The following DPP10 variants were observed in gnomAD, a reference collection of about 807,000 sequenced individuals.
DPP10 encodes dipeptidyl peptidase like 10.
In DPP10, 33 loss-of-function variants were observed where a neutral mutation model predicts 120.9. The observed-to-expected ratio is 0.27, with a 90% CI of 0.21 to 0.37. The LOEUF is 0.37. Among genes scored for constraint, DPP10 ranks in the 10% least tolerant of loss-of-function variants. The pLI, the probability that DPP10 is intolerant of heterozygous loss-of-function variation, is 1.00. For missense variants in DPP10, 816 were observed against 942.8 expected (o/e 0.87, Z 1.76); for synonymous variants, 337 against 326.1 (o/e 1.03, Z -0.36).
intron 1 of DPP10, among the ~76,000 whole-genome samples, chr2:114,929,633 CT>C (rs1266874147): frequency 6.6e-6 from 1 of 152,220 alleles, no homozygotes; most frequent in Non-Finnish European, 1.5e-5. Flanking sequence ...CTGAAAATCG[CT>C]GTTATCCTGT....
intron 3 of DPP10, among the ~76,000 whole-genome samples, chr2:115,494,526 G>A (rs904516865): frequency 1.3e-5 from 2 of 152,052 alleles, no homozygotes; most frequent in Admixed American, 6.6e-5. Context: ...AGTGTTTTAG[G>A]GAGTTGAATT....
At chr2:114,491,136 G>A (rs1681962098) in intron 1 of DPP10, among the ~76,000 whole-genome samples, 1 of 152,078 alleles carries the variant, frequency 6.6e-6, no homozygotes, top group South Asian at 2.1e-4. Flanking sequence ...ATACCTGATG[G>A]ACTCCTGCAT....
chr2:115,253,446 T>G (rs767637355), intron 1 of DPP10, among the ~76,000 whole-genome samples: 1 of 152,124 alleles, frequency 6.6e-6, no homozygotes, highest in Non-Finnish European at 1.5e-5. Context: ...AACTCAAAAG[T>G]CCTAAGTCCA....
intron 16 of DPP10, among the ~76,000 whole-genome samples, 170 bp from the exon 17 acceptor site, chr2:115,782,182 G>T (rs577816473): frequency 1.3e-5 from 2 of 152,002 alleles, no homozygotes; most frequent in East Asian, 3.9e-4. Flanking sequence ...TTACCCTTCT[G>T]AATAAAACGC....
intron 1 of DPP10, among the ~76,000 whole-genome samples, chr2:115,043,477 T>C (rs1322815925): frequency 1.3e-5 from 2 of 152,220 alleles, no homozygotes; most frequent in Non-Finnish European, 2.9e-5. Context: ...ATTTAAAAAG[T>C]CTTCTTCAAT....
At position 115,074,668 on chromosome 2, in the gene DPP10, C is replaced by T. The variant is rs545742720; in HGVS notation, c.61-234571C>T. The stretch of plus-strand genomic sequence containing the variant: ...AAATGTAGAAAATGGTAAACCATTT[C>T]GAAGGTAATGAGGGTTGTCCGGGGA... On this transcript the variant is annotated intron_variant, in intron 1 of 25. Coordinates refer to ENST00000410059, the MANE Select transcript of DPP10 (RefSeq NM_020868.6). 5.9e-5 allele frequency among the ~76,000 whole-genome samples: 9 copies of T among 152,172 alleles called. No homozygotes were observed. In the East Asian group the frequency reaches 1.2e-3, roughly 20 times the overall value.
At chr2:114,543,263 T>C (rs1687093306) in intron 1 of DPP10, among the ~76,000 whole-genome samples, 1 of 152,232 alleles carries the variant, frequency 6.6e-6, no homozygotes, top group East Asian at 1.9e-4. Context: ...TGCTAAGCAC[T>C]GGCGACGTCT....
chr2:115,589,346 G>A (rs1160549991), intron 5 of DPP10, among the ~76,000 whole-genome samples: 1 of 152,138 alleles, frequency 6.6e-6, no homozygotes, highest in Non-Finnish European at 1.5e-5. Context: ...GAATAAAGAA[G>A]AGAAGTAATG....
intron 1 of DPP10, among the ~76,000 whole-genome samples, chr2:115,046,718 C>T (rs560491219): frequency 7.9e-5 from 12 of 152,174 alleles, no homozygotes; most frequent in Middle Eastern, 3.4e-3. Flanking sequence ...GAGTGAAGAA[C>T]ACAACCACAT....
At chr2:115,842,111 T>C in intron 25 of DPP10, 100 bp from the exon 26 acceptor site, 1 of 1,260,694 alleles carries the variant, frequency 7.9e-7, no homozygotes, top group African/African-American at 1.5e-5. Context: ...GGTCAGATAT[T>C]ATTACTCAAA....
At chr2:114,960,992 G>A (rs1302872110) in intron 1 of DPP10, among the ~76,000 whole-genome samples, 1 of 131,776 alleles carries the variant, frequency 7.6e-6, no homozygotes, top group Non-Finnish European at 1.6e-5. Flanking sequence ...CAGAAAATAT[G>A]TGACATCTGC....
intron 7 of DPP10, among the ~76,000 whole-genome samples, chr2:115,723,618 T>TTCTG (rs1178555579): frequency 1.9e-4 from 7 of 36,982 alleles, no homozygotes; most frequent in South Asian, 1.1e-3. Context: ...TGTTGTTGTT[T>TTCTG]TTTGTTTTTT....
chr2:115,766,067 G>C (rs1455025233), intron 12 of DPP10, among the ~76,000 whole-genome samples: 1 of 151,798 alleles, frequency 6.6e-6, no homozygotes, highest in East Asian at 1.9e-4. Flanking sequence ...GATAGTCACT[G>C]TTTCAGGTGC....
intron 4 of DPP10, among the ~76,000 whole-genome samples, chr2:115,515,279 T>A (rs1247416182): frequency 6.6e-6 from 1 of 152,042 alleles, no homozygotes; most frequent in Non-Finnish European, 1.5e-5. Context: ...TATATTGCAA[T>A]TTATTAGATA....
At chr2:115,354,854 TC>T (rs1472595678) in intron 3 of DPP10, among the ~76,000 whole-genome samples, 5 of 152,152 alleles carry the variant, frequency 3.3e-5, no homozygotes, top group African/African-American at 9.7e-5. Flanking sequence ...TCCAGCTTCA[TC>T]CATGTCCCTG....
rs1417544575 is a variant in DPP10, at chr2:115,693,410, G to A, written c.576+3489G>A. ...ATAGAGCTGGTCCATTGGGCCAGAA[G>A]CAACTTTGGAACAAACCAAATTCCA... On this transcript the variant is annotated intron_variant, in intron 7 of 25. Transcript: ENST00000410059. Among the ~76,000 whole-genome samples, 5 of 152,054 alleles carry A rather than the reference G, an allele frequency of 3.3e-5. No individual in the cohort carries two copies. The East Asian group carries it at 9.7e-4, about 29-fold the overall frequency.
At position 115,491,108 on chromosome 2, in the gene DPP10, G is replaced by C. The variant is rs574596451; in HGVS notation, c.272-8402G>C. ...ACTCCAGCCTCCAGCCTGGGCAACA[G>C]AGTGAAACTTTGTTTGAAAAACAAA... On this transcript the variant is annotated intron_variant, in intron 3 of 25. Transcript: ENST00000410059. Among the ~76,000 whole-genome samples, 7 of 152,238 alleles carry C rather than the reference G, an allele frequency of 4.6e-5. No homozygotes were observed. The South Asian group carries it at 1.5e-3, about 32-fold the overall frequency.
At chr2:115,119,634 G>A (rs1434509683) in intron 1 of DPP10, among the ~76,000 whole-genome samples, 1 of 152,178 alleles carries the variant, frequency 6.6e-6, no homozygotes, top group Non-Finnish European at 1.5e-5. Flanking sequence ...GGCTCCATGG[G>A]TTGGTGAAAG....
At chr2:114,695,139 A>T (rs1559011443) in intron 1 of DPP10, among the ~76,000 whole-genome samples, 1 of 151,994 alleles carries the variant, frequency 6.6e-6, no homozygotes, top group Non-Finnish European at 1.5e-5. Flanking sequence ...TTCAGAGTGA[A>T]TTAAAGTGGA....
Sources: gnomAD v4.1 joint callset for allele counts (sites outside exome capture counted in the v4.1 genomes callset) on GRCh38, gnomAD v4.1.1 for gene constraint, MANE v1.5 for transcripts, NCBI Gene and HGNC (gene_info 2026-07-23, HGNC 2026-07-21) for gene names.